The following SMAD5 variants were observed in gnomAD, a reference collection of about 807,000 sequenced individuals.
SMAD5 encodes the protein MAD, mothers against decapentaplegic homolog 5.
Under a neutral mutation model 43.1 loss-of-function variants are expected in SMAD5, and 9 were observed. The observed-to-expected ratio is 0.21, with a 90% CI of 0.13 to 0.36. The LOEUF (loss-of-function observed/expected upper bound fraction) is 0.36, where lower values mean the gene tolerates loss of function less well. Ranked by LOEUF, SMAD5 falls within the 10% of genes least tolerant of loss-of-function variation. The pLI is 1.00. For missense variants in SMAD5, 348 were observed against 574.0 expected, an observed-to-expected ratio of 0.61 and a Z score of 4.02; for synonymous variants, 190 against 192.4, an observed-to-expected ratio of 0.99 and a Z score of 0.10.
At chr5:136,168,985 G>T (rs974715253) in intron 5 of SMAD5, among the ~76,000 whole-genome samples, 2 of 152,140 alleles carry the variant, frequency 1.3e-5, no homozygotes, top group Non-Finnish European at 2.9e-5. Context: ...TTATTAAGGA[G>T]AATTGACTCA....
chr5:136,165,780 T>C (rs1022438839), intron 5 of SMAD5, among the ~76,000 whole-genome samples: 8 of 150,626 alleles, frequency 5.3e-5, no homozygotes, highest in Non-Finnish European at 8.9e-5. Flanking sequence ...TTGAGTAATA[T>C]TCCGTTGTAT....
intron 5 of SMAD5, among the ~76,000 whole-genome samples, chr5:136,169,581 A>G (rs1754143340): frequency 1.3e-5 from 2 of 152,238 alleles, no homozygotes; most frequent in Admixed American, 6.5e-5. Context: ...TAAAGCTGGT[A>G]TAAACATTCA....
intron 6 of SMAD5, 55 bp downstream of exon 6, chr5:136,172,710 C>A: frequency 2.5e-6 from 3 of 1,186,302 alleles, no homozygotes; most frequent in South Asian, 2.5e-5. Flanking sequence ...TTGTACTTGC[C>A]ATGAACCATG....
At chr5:136,167,768 A>G (rs573351844) in intron 5 of SMAD5, among the ~76,000 whole-genome samples, 3 of 146,996 alleles carry the variant, frequency 2.0e-5, no homozygotes, top group East Asian at 4.1e-4. Flanking sequence ...ACAGAGCGAG[A>G]TTCCATCTCA....
intron 1 of SMAD5, among the ~76,000 whole-genome samples, chr5:136,137,018 T>A (rs1297897450): frequency 5.2e-5 from 3 of 57,998 alleles, no homozygotes; most frequent in African/African-American, 3.6e-4. Flanking sequence ...TTAGTTTTGA[T>A]TTTTTTTTTT....
intron 2 of SMAD5, among the ~76,000 whole-genome samples, chr5:136,149,210 C>A (rs1375951986): frequency 6.6e-6 from 1 of 151,750 alleles, no homozygotes; most frequent in Non-Finnish European, 1.5e-5. Flanking sequence ...GAATTTATTA[C>A]CAGTATTTAC....
Position 136,177,394 on chromosome 5 carries a change from A to T in SMAD5, c.1312A>T (p.Ile438Phe). 2 of 1,612,294 alleles carry T rather than the reference A, an allele frequency of 1.2e-6. No homozygotes were observed. Among genetic ancestry groups the T allele is most frequent in the South Asian group, 2.2e-5 (2 of 90,966 alleles). ...DVTSTPCWIE[I>F]HLHGPLQWLD... ...AACCAGCACCCCATGTTGGATTGAG[A>T]TTCATCTTCATGGGCCTCTTCAGTG... is the stretch of plus-strand genomic sequence containing the variant. The change falls in exon 8 of 8, where the codon ATT becomes TTT. Residue 438 changes from isoleucine (I) to phenylalanine (F), a missense_variant. Physicochemically the swap from Ile to Phe is conservative, Grantham distance 21. Coordinates refer to ENST00000545279, the MANE Select transcript of SMAD5 (RefSeq NM_005903.7).
At chr5:136,158,103 T>C (rs1004001555) in intron 3 of SMAD5, among the ~76,000 whole-genome samples, 2 of 152,176 alleles carry the variant, frequency 1.3e-5, no homozygotes, top group African/African-American at 4.8e-5. Flanking sequence ...AATAGAATAA[T>C]ATATTCTGGA....
chr5:136,172,609 T>A lies in SMAD5; in HGVS notation c.951T>A (p.Val317=). ...SRFCLGLLSN[V]NRNSTIENTR... ...TCTGCTTGGGTTTGTTGTCAAATGT[T>A]AATCGTAATTCGACAATTGAAAACA... is the stretch of plus-strand genomic sequence containing the variant. The change falls in exon 6 of 8, where the codon GTT becomes GTA. Residue 317 remains valine, a synonymous_variant. Transcript: ENST00000545279. 1 of 1,613,108 alleles carries A rather than the reference T, an allele frequency of 6.2e-7. No homozygotes were observed. Among genetic ancestry groups the A allele is most frequent in the Non-Finnish European group, 8.5e-7 (1 of 1,179,108 alleles).
intron 3 of SMAD5, among the ~76,000 whole-genome samples, chr5:136,154,858 G>T (rs2149769309): frequency 6.6e-6 from 1 of 152,166 alleles, no homozygotes; most frequent in East Asian, 1.9e-4. Flanking sequence ...TGATACAGTT[G>T]ATCTCCTTCC....
chr5:136,168,307 T>C (rs938821201), intron 5 of SMAD5, among the ~76,000 whole-genome samples: 1 of 152,240 alleles, frequency 6.6e-6, no homozygotes, highest in Admixed American at 6.5e-5. Context: ...GTATTTTATA[T>C]TGTGTATAAA....
rs1174588806 is a variant in SMAD5 at position 136,177,615 on chromosome 5, A to G, written c.*135A>G. On this transcript the variant is annotated 3_prime_UTR_variant, in exon 8 of 8. Coordinates refer to ENST00000545279, the MANE Select transcript of SMAD5 (RefSeq NM_005903.7). ...TTTTTTCTACATAATTGTGACCAAT[A>G]CATTTGTATTTTGTGATGAATCTAC... The G allele has an allele frequency of 4.7e-6, 3 of 639,546 alleles. No individual in the cohort carries two copies. The highest frequency in any genetic ancestry group is 7.9e-6 in the Non-Finnish European group (3 of 380,222). 39.6% of individuals were successfully genotyped at this position (639,546 alleles called of 1,614,324 possible). A position where few individuals can be genotyped will look rare whatever the true frequency, so the allele number is the denominator to read the frequency against.
rs898287502 is a variant in SMAD5, at chr5:136,181,340, C to A, written c.*3860C>A. 1.3e-5 allele frequency: 2 copies of A among 152,086 alleles called. No homozygotes were observed. The highest frequency in any genetic ancestry group is 2.9e-5 in the Non-Finnish European group (2 of 67,986). 9.4% of individuals were successfully genotyped at this position (152,086 alleles called of 1,614,324 possible). ...CCCTTCTTTGTCTTACTAGTTAAAT[C>A]CTCACCTAATCTCTTGGGTATGAAT... On this transcript the variant is annotated 3_prime_UTR_variant, in exon 8 of 8. Transcript: ENST00000545279.
At chr5:136,171,755 G>A (rs1228756404) in intron 5 of SMAD5, among the ~76,000 whole-genome samples, 2 of 152,142 alleles carry the variant, frequency 1.3e-5, no homozygotes, top group African/African-American at 2.4e-5. Context: ...ATGTGGAAAT[G>A]AGTTAAGACT....
chr5:136,177,227 C>A (rs10078857), intron 7 of SMAD5, 110 bp from the exon 8 acceptor site: 266,498 of 869,416 alleles, frequency 0.31, 43,512 homozygotes, highest in African/African-American at 0.53. Context: ...CTTTATGTAA[C>A]TTCTACATAT....
intron 5 of SMAD5, among the ~76,000 whole-genome samples, chr5:136,165,675 T>A (rs1024209225): frequency 0.15 from 17,292 of 112,870 alleles, 1,921 homozygotes; most frequent in African/African-American, 0.23. Context: ...TTTTTTTTTT[T>A]TTTTTTTTTT....
intron 5 of SMAD5, among the ~76,000 whole-genome samples, chr5:136,166,579 A>G (rs1754021958): frequency 6.6e-6 from 1 of 152,198 alleles, no homozygotes. Context: ...CAATGTAGGT[A>G]GTTTTTAAAT....
chr5:136,133,260 G>A (rs1044465099), intron 1 of SMAD5: 2 of 152,516 alleles, frequency 1.3e-5, no homozygotes, highest in Non-Finnish European at 2.9e-5. Flanking sequence ...AGGCGTCTGG[G>A]ACGCCCTGGA....
At chr5:136,148,363 T>G (rs190870297) in intron 2 of SMAD5, among the ~76,000 whole-genome samples, 20 of 151,864 alleles carry the variant, frequency 1.3e-4, no homozygotes, top group Admixed American at 1.3e-3. Context: ...GAACAAAGAA[T>G]GTCTTGCTTA....
Sources: allele counts gnomAD v4.1 joint callset (sites outside exome capture counted in the v4.1 genomes callset), GRCh38; gene constraint gnomAD v4.1.1; transcripts MANE v1.5; gene names NCBI Gene and HGNC (gene_info 2026-07-23, HGNC 2026-07-21).